CFAP299: variants seen among roughly 807,000 people sequenced by gnomAD.
CFAP299 encodes the protein cilia- and flagella-associated protein 299.
Under a neutral mutation model 27.0 loss-of-function variants are expected in CFAP299, and 21 were observed. The ratio of observed to expected loss-of-function variants is 0.78; its 90% CI spans 0.55 to 1.12. The LOEUF (loss-of-function observed/expected upper bound fraction) is 1.12. Among genes scored for constraint, CFAP299 ranks in the 50% most tolerant of loss-of-function variants. The pLI is 0.00. For synonymous variants in CFAP299, 104 were observed against 98.1 expected (o/e 1.06, Z -0.36); for missense variants, 310 against 276.6 (o/e 1.12, Z -0.86).
chr4:80,764,853 C>T (rs1004026519), intron 3 of CFAP299, among the ~76,000 whole-genome samples: 7 of 152,076 alleles, frequency 4.6e-5, no homozygotes, highest in African/African-American at 1.4e-4. Context: ...AAACCAAACA[C>T]TGCATGTTCT....
intron 2 of CFAP299, chr4:80,386,262 G>T: frequency 8.3e-7 from 1 of 1,197,784 alleles, no homozygotes; most frequent in Non-Finnish European, 1.2e-6. Flanking sequence ...CCAGAGCCAG[G>T]TTGGAGCCCA....
At chr4:80,400,370 C>G (rs1166205122) in intron 2 of CFAP299, among the ~76,000 whole-genome samples, 1 of 152,062 alleles carries the variant, frequency 6.6e-6, no homozygotes, top group African/African-American at 2.4e-5. Flanking sequence ...GGTTGTGCCC[C>G]CACCCAAATC....
chr4:80,856,797 G>A (rs1301717331), intron 3 of CFAP299, among the ~76,000 whole-genome samples: 1 of 151,934 alleles, frequency 6.6e-6, no homozygotes. Context: ...TGCTGTTTTG[G>A]TTACTGTAGC....
chr4:80,577,397 ATTTT>A (rs34922224), intron 2 of CFAP299, among the ~76,000 whole-genome samples: 1,177 of 98,826 alleles, frequency 0.012, 7 homozygotes, highest in South Asian at 0.078. Flanking sequence ...ATTAGAAAAC[ATTTT>A]TTTTTTTTTT....
At chr4:80,588,917 G>A (rs942770463) in intron 3 of CFAP299, among the ~76,000 whole-genome samples, 6 of 152,034 alleles carry the variant, frequency 3.9e-5, no homozygotes, top group Admixed American at 6.6e-5. Flanking sequence ...TTTGAGGCAC[G>A]AAGAGGTTGA....
At chr4:80,809,756 C>A (rs1377120773) in intron 3 of CFAP299, among the ~76,000 whole-genome samples, 1 of 152,108 alleles carries the variant, frequency 6.6e-6, no homozygotes, top group East Asian at 1.9e-4. Flanking sequence ...GGTTTCCTTA[C>A]CTGGCTGTCC....
chr4:80,719,995 C>T (rs1032570212), intron 3 of CFAP299, among the ~76,000 whole-genome samples: 1 of 152,114 alleles, frequency 6.6e-6, no homozygotes, highest in South Asian at 2.1e-4. Flanking sequence ...ATATAAGCCC[C>T]GTGATTGTCC....
At chr4:80,918,815 G>A (rs1178202652) in intron 4 of CFAP299, among the ~76,000 whole-genome samples, 2 of 152,110 alleles carry the variant, frequency 1.3e-5, no homozygotes, top group Admixed American at 6.6e-5. Context: ...TGACAGCAGT[G>A]TTTGGGCTGC....
chr4:80,730,276 G>GTA (rs1307062715), intron 3 of CFAP299, among the ~76,000 whole-genome samples: 10 of 146,068 alleles, frequency 6.8e-5, no homozygotes, highest in South Asian at 2.3e-4. Flanking sequence ...GTGTGTGTGT[G>GTA]TGTATGTGTG....
At chr4:80,664,219 GT>G (rs891161290) in intron 3 of CFAP299, among the ~76,000 whole-genome samples, 3 of 152,116 alleles carry the variant, frequency 2.0e-5, no homozygotes, top group Middle Eastern at 3.2e-3. Flanking sequence ...AGCTGGAGGA[GT>G]TTTTTTATAC....
At chr4:80,858,141 T>C (rs1732048020) in intron 3 of CFAP299, among the ~76,000 whole-genome samples, 1 of 152,110 alleles carries the variant, frequency 6.6e-6, no homozygotes, top group Non-Finnish European at 1.5e-5. Flanking sequence ...CTTGGGAGAG[T>C]GTATGTGTCG....
At chr4:80,875,051 A>G (rs986075386) in intron 4 of CFAP299, among the ~76,000 whole-genome samples, 2 of 152,196 alleles carry the variant, frequency 1.3e-5, no homozygotes, top group Non-Finnish European at 2.9e-5. Flanking sequence ...CGACTACTAG[A>G]AAATTCAAAA....
intron 3 of CFAP299, among the ~76,000 whole-genome samples, chr4:80,610,333 C>T (rs891284386): frequency 6.6e-6 from 1 of 151,988 alleles, no homozygotes; most frequent in Non-Finnish European, 1.5e-5. Context: ...CAACCCCTAA[C>T]CTGGACTTAG....
chr4:80,354,381 G>C (rs761414837), intron 1 of CFAP299, among the ~76,000 whole-genome samples: 12 of 152,030 alleles, frequency 7.9e-5, no homozygotes, highest in Non-Finnish European at 1.5e-4. Flanking sequence ...TGAAGAAGTA[G>C]GTCATGAGAG....
chr4:80,868,432 T>C (rs1732874752), intron 3 of CFAP299, among the ~76,000 whole-genome samples: 1 of 152,188 alleles, frequency 6.6e-6, no homozygotes, highest in Admixed American at 6.5e-5. Flanking sequence ...AATTCTTTTA[T>C]TTTCTGGATT....
At chr4:80,712,532 T>C (rs1722235962) in intron 3 of CFAP299, among the ~76,000 whole-genome samples, 1 of 152,284 alleles carries the variant, frequency 6.6e-6, no homozygotes, top group Middle Eastern at 3.4e-3. Context: ...TTGACTTGAG[T>C]GAATTAAATG....
chr4:80,938,176 AT>A (rs1404187915), intron 4 of CFAP299, among the ~76,000 whole-genome samples: 6 of 152,214 alleles, frequency 3.9e-5, no homozygotes, highest in African/African-American at 1.4e-4. Flanking sequence ...TCATTATAGT[AT>A]TAGAGGATTC....
intron 3 of CFAP299, among the ~76,000 whole-genome samples, chr4:80,826,895 T>C (rs1306214548): frequency 6.6e-6 from 1 of 151,832 alleles, no homozygotes; most frequent in African/African-American, 2.4e-5. Context: ...ACATGAATAA[T>C]TGAAGGAAGA....
At chr4:80,459,389 T>C (rs10857164) in intron 2 of CFAP299, among the ~76,000 whole-genome samples, 62,457 of 152,016 alleles carry the variant, frequency 0.41, 14,991 homozygotes, top group African/African-American at 0.67. Flanking sequence ...GGATGCAAGA[T>C]GCCGGAAGTA....
Sources: allele counts gnomAD v4.1 joint callset (sites outside exome capture counted in the v4.1 genomes callset), GRCh38; gene constraint gnomAD v4.1.1; transcripts MANE v1.5; gene names NCBI Gene and HGNC (gene_info 2026-07-23, HGNC 2026-07-21).